Variants in DCSTAMP observed in about 807,000 individuals in gnomAD.
DCSTAMP encodes dendrocyte expressed seven transmembrane protein, also known as dendritic cell-specific transmembrane protein.
DCSTAMP carries 25 observed loss-of-function variants against 33.8 expected under a neutral mutation model. The ratio of observed to expected loss-of-function variants is 0.74; its 90% CI spans 0.54 to 1.03. DCSTAMP has a LOEUF of 1.03. DCSTAMP is among the 50% of genes least tolerant of loss of function. The pLI is 0.00. For missense variants in DCSTAMP, 531 were observed against 556.8 expected (o/e 0.95, Z 0.47); for synonymous variants, 245 against 216.7 (o/e 1.13, Z -1.15).
chr8:104,349,219 G>A lies in DCSTAMP; in HGVS notation c.667G>A (p.Val223Ile), dbSNP rs566008351. The A allele has an allele frequency of 4.4e-5, 71 of 1,614,190 alleles. 1 individual carries two copies. Among genetic ancestry groups the A allele is most frequent in the East Asian group, 2.0e-4 (9 of 44,882 alleles). ...KLLAFAGLSL[V>I]LLGTGLFMKR... ...ACTTGCCTTTGCAGGGCTTTCGCTC[G>A]TCCTGCTTGGCACTGGCCTCTTCAT... is the stretch of plus-strand genomic sequence containing the variant. The change falls in exon 2 of 4, where the codon GTC becomes ATC. Residue 223 changes from valine to isoleucine, a missense_variant. Transcript: ENST00000297581.
chr8:104,356,402 T>G lies in DCSTAMP; in HGVS notation c.*204T>G. The G allele has an allele frequency of 2.3e-6, 1 of 425,534 alleles. No individual in the cohort carries two copies. The highest frequency in any genetic ancestry group is 4.2e-6 in the Non-Finnish European group (1 of 240,608). The allele number at this position is 425,534 out of a possible 1,614,324, so 26.4% of individuals were successfully genotyped here. Reference sequence around the variant, plus strand: ...CTGCCAGGTAAATGGTTATGTGGTCTATGTTCCAAACAAACCACATGATCT... The same window carrying G: ...CTGCCAGGTAAATGGTTATGTGGTCGATGTTCCAAACAAACCACATGATCT... On this transcript the variant is annotated 3_prime_UTR_variant, in exon 4 of 4. Coordinates refer to ENST00000297581, the MANE Select transcript of DCSTAMP (RefSeq NM_030788.4).
chr8:104,352,889 A>G (rs1810504427), intron 2 of DCSTAMP, among the ~76,000 whole-genome samples: 1 of 152,152 alleles, frequency 6.6e-6, no homozygotes, highest in South Asian at 2.1e-4. Context: ...CAGCTTCTGC[A>G]TGACTGACGA....
chr8:104,349,180 C>T lies in DCSTAMP; in HGVS notation c.628C>T (p.Leu210=). 1 of 1,614,260 alleles carries T rather than the reference C, an allele frequency of 6.2e-7. No individual in the cohort carries two copies. Among genetic ancestry groups the T allele is most frequent in the South Asian group, 1.1e-5 (1 of 91,090 alleles). ...AACAACCACAGAGGTGTTGTCCTCC[C>T]TGGGTCAGAAGCTACTTGCCTTTGC... ...MATTTEVLSS[L]GQKLLAFAGL... The change falls in exon 2 of 4, where the codon CTG becomes TTG. Residue 210 remains leucine (L), a synonymous_variant. Coordinates refer to ENST00000297581, the MANE Select transcript of DCSTAMP (RefSeq NM_030788.4).
At chr8:104,343,768 A>G (rs2099383390) in intron 1 of DCSTAMP, among the ~76,000 whole-genome samples, 1 of 152,192 alleles carries the variant, frequency 6.6e-6, no homozygotes, top group Non-Finnish European at 1.5e-5. Context: ...GATACCAGAG[A>G]GCTCACCCAC....
intron 3 of DCSTAMP, 72 bp from the exon 4 acceptor site, chr8:104,356,052 A>G: frequency 7.3e-7 from 1 of 1,379,210 alleles, no homozygotes; most frequent in South Asian, 1.3e-5. Context: ...CCCACAATGA[A>G]AAATTGATGT....
chr8:104,344,295 T>C (rs144790752), intron 1 of DCSTAMP, among the ~76,000 whole-genome samples: 58 of 152,114 alleles, frequency 3.8e-4, no homozygotes, highest in Non-Finnish European at 4.6e-4. Context: ...TTTGATTTAT[T>C]AAAATTAAAA....
chr8:104,343,775 C>A (rs1293038469), intron 1 of DCSTAMP, among the ~76,000 whole-genome samples: 1 of 152,180 alleles, frequency 6.6e-6, no homozygotes, highest in Non-Finnish European at 1.5e-5. Flanking sequence ...GAGAGCTCAC[C>A]CACCTTCTCT....
intron 1 of DCSTAMP, among the ~76,000 whole-genome samples, chr8:104,342,631 T>G (rs967689296): frequency 2.0e-5 from 3 of 152,292 alleles, no homozygotes; most frequent in African/African-American, 7.2e-5. Context: ...TTCTGGTGCT[T>G]GTCTGACCCC....
chr8:104,355,117 C>T lies in DCSTAMP; in HGVS notation c.1270C>T (p.Leu424=). ...GCGCATCCAATATCTGCATGCAAAGCTGCTTAAAAAAAGATCAAAGCAGCC... is the reference window on the plus strand; with the variant it reads ...GCGCATCCAATATCTGCATGCAAAGTTGCTTAAAAAAAGATCAAAGCAGCC... ...RKRIQYLHAK[L]LKKRSKQPLG... is the part of the protein sequence containing the mutation. The change falls in exon 3 of 4, where the codon CTG becomes TTG. Residue 424 remains leucine (L), a synonymous_variant. Coordinates refer to ENST00000297581, the MANE Select transcript of DCSTAMP (RefSeq NM_030788.4). 6.2e-7 allele frequency: 1 copy of T among 1,614,074 alleles called. No individual in the cohort carries two copies. Among genetic ancestry groups the T allele is most frequent in the South Asian group, 1.1e-5 (1 of 91,070 alleles).
chr8:104,347,538 A>G (rs1049766174), intron 1 of DCSTAMP, among the ~76,000 whole-genome samples: 3 of 152,274 alleles, frequency 2.0e-5, no homozygotes, highest in African/African-American at 7.2e-5. Context: ...GCCTTTATCA[A>G]TAAACAAAGA....
intron 1 of DCSTAMP, among the ~76,000 whole-genome samples, chr8:104,340,968 G>A (rs2099382716): frequency 6.6e-6 from 1 of 152,182 alleles, no homozygotes; most frequent in Non-Finnish European, 1.5e-5. Flanking sequence ...TTGAGCATAA[G>A]CCATTGGCTT....
intron 2 of DCSTAMP, among the ~76,000 whole-genome samples, chr8:104,354,641 A>G (rs956626165): frequency 6.6e-6 from 1 of 152,234 alleles, no homozygotes; most frequent in Non-Finnish European, 1.5e-5. Context: ...TCTCAAGGGA[A>G]TCTTTACTGT....
At chr8:104,348,300 C>T (rs73696749) in intron 1 of DCSTAMP, among the ~76,000 whole-genome samples, 2,183 of 152,168 alleles carry the variant, frequency 0.014, 33 homozygotes, top group African/African-American at 0.042. Flanking sequence ...TCATTTCTGC[C>T]GCATTCGATT....
At position 104,354,882 on chromosome 8, in the gene DCSTAMP, A is replaced by G; in HGVS notation, c.1035A>G (p.Gln345=). The change falls in exon 3 of 4, where the codon CAA becomes CAG. Residue 345 remains glutamine, a synonymous_variant. Transcript: ENST00000297581. ...ATTTTATTCTTTCATTTTAGAAACA[A>G]GGAACTCAAGATATTATCCATGATT... ...EVHLKLHGEK[Q]GTQDIIHDSS... is the part of the protein sequence containing the mutation. 6.3e-7 allele frequency: 1 copy of G among 1,578,234 alleles called. No homozygotes were observed. Among genetic ancestry groups the G allele is most frequent in the Non-Finnish European group, 8.6e-7 (1 of 1,156,850 alleles).
In DCSTAMP at chr8:104,349,288, T is replaced by C; in HGVS notation, c.736T>C (p.Tyr246His). 6.2e-7 allele frequency: 1 copy of C among 1,614,202 alleles called. No individual in the cohort carries two copies. Among genetic ancestry groups the C allele is most frequent in the Non-Finnish European group, 8.5e-7 (1 of 1,180,038 alleles). ...GPCGWKYENI[Y>H]ITRQFVQFDE... Reference sequence around the variant, plus strand: ...TTGTGGTTGGAAGTATGAAAACATCTACATCACCAGACAATTTGTTCAGTT... The same window carrying C: ...TTGTGGTTGGAAGTATGAAAACATCCACATCACCAGACAATTTGTTCAGTT... The change falls in exon 2 of 4, where the codon TAC becomes CAC. Residue 246 changes from tyrosine (Y) to histidine (H), a missense_variant. Coordinates refer to ENST00000297581, the MANE Select transcript of DCSTAMP (RefSeq NM_030788.4).
intron 1 of DCSTAMP, among the ~76,000 whole-genome samples, chr8:104,342,584 C>G (rs888883656): frequency 6.6e-6 from 1 of 152,244 alleles, no homozygotes; most frequent in Non-Finnish European, 1.5e-5. Context: ...CCCCACACTC[C>G]CAAGGAGTAT....
intron 1 of DCSTAMP, among the ~76,000 whole-genome samples, chr8:104,342,908 G>A (rs566678918): frequency 1.3e-5 from 2 of 152,186 alleles, no homozygotes; most frequent in East Asian, 1.9e-4. Context: ...AGGTATTCAC[G>A]ACTGCACGAT....
At position 104,355,061 on chromosome 8, in the gene DCSTAMP, C is replaced by A. The variant is rs1462615900; in HGVS notation, c.1214C>A (p.Ser405Ter). 1 of 1,613,946 alleles carries A rather than the reference C, an allele frequency of 6.2e-7. No individual in the cohort carries two copies. Among genetic ancestry groups the A allele is most frequent in the Non-Finnish European group, 8.5e-7 (1 of 1,180,002 alleles). Residue 405 changes from serine to a stop codon, truncating the protein, a stop_gained, in exon 3 of 4, where the codon TCA becomes TAA. Transcript: ENST00000297581. LOFTEE classifies it high-confidence loss of function. ...SILMQLKILV[S>*]ASFYPSVERK... ...CTTATGCAACTTAAAATCCTGGTGT[C>A]AGCATCTTTCTACCCCAGCGTGGAG...
At chr8:104,343,358 A>G (rs1444983763) in intron 1 of DCSTAMP, among the ~76,000 whole-genome samples, 3 of 152,214 alleles carry the variant, frequency 2.0e-5, no homozygotes, top group Admixed American at 6.5e-5. Context: ...ATTAATAACT[A>G]CCGTCTATTA....
Sources: gnomAD v4.1 joint callset for allele counts (sites outside exome capture counted in the v4.1 genomes callset) on GRCh38, gnomAD v4.1.1 for gene constraint, MANE v1.5 for transcripts, NCBI Gene and HGNC (gene_info 2026-07-23, HGNC 2026-07-21) for gene names.